CLCN1: variants seen among roughly 807,000 people sequenced by gnomAD.
CLCN1 encodes the protein chloride voltage-gated channel 1.
CLCN1 carries 100 observed loss-of-function variants against 114.5 expected under a neutral mutation model. The observed-to-expected ratio is 0.87, with a 90% confidence interval of 0.74 to 1.03. CLCN1 has a LOEUF of 1.03. Ranked by LOEUF, CLCN1 falls within the 50% of genes least tolerant of loss-of-function variation. The pLI is 0.00. For synonymous variants in CLCN1, 485 were observed against 487.1 expected (o/e 1.00, Z 0.06); for missense variants, 1,188 against 1,250.0 (o/e 0.95, Z 0.75).
At chr7:143,337,554 G>T (rs115337167) in intron 12 of CLCN1, among the ~76,000 whole-genome samples, 1 of 152,036 alleles carries the variant, frequency 6.6e-6, no homozygotes, top group African/African-American at 2.4e-5. Flanking sequence ...TATATTTCTC[G>T]TTAGCTTACA....
At position 143,321,804 on chromosome 7, in the gene CLCN1, G is replaced by A. The variant is rs189963844; in HGVS notation, c.652G>A (p.Ala218Thr). 5.4e-5 allele frequency: 87 copies of A among 1,614,236 alleles called. No individual in the cohort carries two copies. The Middle Eastern group carries it at 6.6e-4, about 12-fold the overall frequency. ...TMKAFVAKVV[A>T]LTAGLGSGIP... ...GAAAGCCTTTGTGGCCAAGGTTGTC[G>A]CCCTGACTGCGGGCCTGGGCAGTGG... is the stretch of plus-strand genomic sequence containing the variant. The change falls in exon 5 of 23, where the codon GCC (alanine) becomes ACC (threonine). Residue 218 changes from alanine to threonine, a missense_variant. By Grantham distance (58) the Ala-to-Thr change is moderately conservative. Coordinates refer to ENST00000343257, the MANE Select transcript of CLCN1 (RefSeq NM_000083.3). The surrounding 1 kb of genome is among the most constrained non-coding windows in gnomAD (Gnocchi z 4.2).
chr7:143,351,477 A>G (rs1341122979), intron 22 of CLCN1, 117 bp from the exon 23 acceptor site: 1 of 1,149,644 alleles, frequency 8.7e-7, no homozygotes, highest in African/African-American at 1.6e-5. Flanking sequence ...GCCACTCTAT[A>G]TCTTTCCTGT....
At position 143,316,335 on chromosome 7, in the gene CLCN1, C is replaced by T. The variant is rs1351485530; in HGVS notation, c.123C>T (p.Gly41=). 2 of 1,612,922 alleles carry T rather than the reference C, an allele frequency of 1.2e-6. No homozygotes were observed. The highest frequency in any genetic ancestry group is 1.7e-5 in the Admixed American group (1 of 60,012). ...ACGGACTGCCCTCTGAGAATGGGGG[C>T]CTCCAGCACAGGCTCCGGAAGGATG... ...TSYGLPSENG[G]LQHRLRKDAG... Residue 41 remains glycine, a synonymous_variant, in exon 1 of 23, where the codon GGC becomes GGT. Transcript: ENST00000343257.
intron 12 of CLCN1, among the ~76,000 whole-genome samples, chr7:143,337,505 G>A (rs923451951): frequency 3.9e-5 from 6 of 152,142 alleles, no homozygotes; most frequent in Non-Finnish European, 7.3e-5. Flanking sequence ...CCCTGGATGA[G>A]GGGAGTTCTT....
Position 143,341,759 on chromosome 7 carries a change from T to A in CLCN1, c.1583-170T>A, listed in dbSNP as rs1055651434. On this transcript the variant is annotated intron_variant, in intron 14 of 22. Coordinates refer to ENST00000343257, the MANE Select transcript of CLCN1 (RefSeq NM_000083.3). ...TTATAGAATGAGATCAAAATGATGA[T>A]TTTTCTAAGAGTTCAGTATTCTATT... 3.3e-5 allele frequency among the ~76,000 whole-genome samples: 5 copies of A among 152,148 alleles called. No homozygotes were observed. The East Asian group carries it at 9.6e-4, about 29-fold the overall frequency.
chr7:143,316,200 G>A lies in CLCN1; in HGVS notation c.-13G>A, dbSNP rs375228515. On this transcript the variant is annotated 5_prime_UTR_variant, in exon 1 of 23. Coordinates refer to ENST00000343257, the MANE Select transcript of CLCN1 (RefSeq NM_000083.3). ...GCAGGCCAAGGCCTGGCCGGGGCTC[G>A]GGGGGAGGGAATATGGAGCAATCCC... 3.2e-5 allele frequency: 52 copies of A among 1,607,422 alleles called. No individual in the cohort carries two copies. The highest frequency in any genetic ancestry group is 1.7e-4 in the African/African-American group (13 of 74,846).
Position 143,350,502 on chromosome 7 carries a change from G to A in CLCN1, c.2508+26G>A. On this transcript the variant is annotated intron_variant, in intron 21 of 22. Transcript: ENST00000343257. This position sits in a 1 kb window ranked among gnomAD's most constrained non-coding sequence, Gnocchi z 5.1. ...GTGAGTCTTTTGCTGACTGCTCAGGGCTGTGGGGAAGGCAGGAGAGCTGTG... is the reference window on the plus strand; with the variant it reads ...GTGAGTCTTTTGCTGACTGCTCAGGACTGTGGGGAAGGCAGGAGAGCTGTG... 1 of 1,610,926 alleles carries A rather than the reference G, an allele frequency of 6.2e-7. No individual in the cohort carries two copies. The highest frequency in any genetic ancestry group is 8.5e-7 in the Non-Finnish European group (1 of 1,177,128).
rs556129334 is a variant in CLCN1 at position 143,339,895 on chromosome 7, G to C, written c.1582+274G>C. Among the ~76,000 whole-genome samples the C allele has an allele frequency of 1.3e-5, 2 of 152,146 alleles. No individual in the cohort carries two copies. The highest frequency in any genetic ancestry group is 2.9e-5 in the Non-Finnish European group (2 of 68,020). On this transcript the variant is annotated intron_variant, in intron 14 of 22. Coordinates refer to ENST00000343257, the MANE Select transcript of CLCN1 (RefSeq NM_000083.3). This position sits in a 1 kb window ranked among gnomAD's most constrained non-coding sequence, Gnocchi z 4.1. ...GGATTGTGTCTGGATGTTTGATAAGGGTTCTGTCTTTCCTTCCCAAGAATC... is the reference window on the plus strand; with the variant it reads ...GGATTGTGTCTGGATGTTTGATAAGCGTTCTGTCTTTCCTTCCCAAGAATC...
At chr7:143,338,793 CAAA>C (rs535268770) in intron 12 of CLCN1, among the ~76,000 whole-genome samples, 6 of 77,922 alleles carry the variant, frequency 7.7e-5, no homozygotes, top group Admixed American at 2.8e-4. Flanking sequence ...GACCCTGTCT[CAAA>C]AAAAAAAAAA....
At chr7:143,341,824 C>G in intron 14 of CLCN1, 105 bp from the exon 15 acceptor site, 1 of 867,920 alleles carries the variant, frequency 1.2e-6, no homozygotes, top group Non-Finnish European at 1.9e-6. Flanking sequence ...TGGCACTGAC[C>G]AGGGTCATGT....
Position 143,350,675 on chromosome 7 carries a change from T to C in CLCN1, c.2595+21T>C. The C allele has an allele frequency of 1.3e-6, 2 of 1,592,928 alleles. No homozygotes were observed. Among genetic ancestry groups the C allele is most frequent in the Non-Finnish European group, 1.7e-6 (2 of 1,161,018 alleles). On this transcript the variant is annotated intron_variant, in intron 22 of 22. Coordinates refer to ENST00000343257, the MANE Select transcript of CLCN1 (RefSeq NM_000083.3). The surrounding 1 kb of genome is among the most constrained non-coding windows in gnomAD (Gnocchi z 5.1). ...AGGAGGTAATCACGATGTGTCCCAT[T>C]TGAGCAGCAGGAGGGAGGCTGGGCA...
At chr7:143,323,167 C>A in intron 5 of CLCN1, 142 bp from the exon 6 acceptor site, 1 of 663,370 alleles carries the variant, frequency 1.5e-6, no homozygotes, top group Non-Finnish European at 2.7e-6. Context: ...GATGAGGCCT[C>A]GTGAGGGCAG....
At position 143,350,914 on chromosome 7, in the gene CLCN1, A is replaced by G. The variant is rs574455176; in HGVS notation, c.2595+260A>G. Among the ~76,000 whole-genome samples the G allele has an allele frequency of 6.6e-6, 1 of 152,050 alleles. No homozygotes were observed. The highest frequency in any genetic ancestry group is 2.1e-4 in the South Asian group (1 of 4,824). On this transcript the variant is annotated intron_variant, in intron 22 of 22. Coordinates refer to ENST00000343257, the MANE Select transcript of CLCN1 (RefSeq NM_000083.3). The surrounding 1 kb of genome is among the most constrained non-coding windows in gnomAD (Gnocchi z 5.1). ...TGCCTCAGCCTCCCAAGTAGCTGGG[A>G]TTACAGGCGCCCGCTACCACACCCG...
chr7:143,343,990 A>C, intron 16 of CLCN1, among the ~76,000 whole-genome samples: 1 of 152,060 alleles, frequency 6.6e-6, no homozygotes, highest in Non-Finnish European at 1.5e-5. Flanking sequence ...ACAGGAATGC[A>C]CCACCATGCC....
At chr7:143,334,040 C>A (rs1802803066) in intron 12 of CLCN1, among the ~76,000 whole-genome samples, 1 of 152,022 alleles carries the variant, frequency 6.6e-6, no homozygotes, top group South Asian at 2.1e-4. Flanking sequence ...ATGGTGAAAC[C>A]CTGTCTCTAC....
intron 14 of CLCN1, among the ~76,000 whole-genome samples, chr7:143,340,037 T>C (rs1451808804): frequency 2.6e-5 from 4 of 152,340 alleles, no homozygotes; most frequent in African/African-American, 9.6e-5. Flanking sequence ...AACATGGCTC[T>C]AGACTTCTCC....
At position 143,321,681 on chromosome 7, in the gene CLCN1, C is replaced by G. The variant is rs749577673; in HGVS notation, c.563-34C>G. The G allele has an allele frequency of 8.7e-6, 14 of 1,613,976 alleles. No homozygotes were observed. Among genetic ancestry groups the G allele is most frequent in the Admixed American group, 1.7e-5 (1 of 60,006 alleles). Reference sequence around the variant, plus strand: ...CATTCATCTCCCTTTTCACCTTCACCTTGACCCTGCACATAATCTTTCAAC... The same window carrying G: ...CATTCATCTCCCTTTTCACCTTCACGTTGACCCTGCACATAATCTTTCAAC... On this transcript the variant is annotated intron_variant, in intron 4 of 22. Coordinates refer to ENST00000343257, the MANE Select transcript of CLCN1 (RefSeq NM_000083.3). This position sits in a 1 kb window ranked among gnomAD's most constrained non-coding sequence, Gnocchi z 4.2.
At position 143,345,701 on chromosome 7, in the gene CLCN1, G is replaced by T. The variant is rs984151770; in HGVS notation, c.2111G>T (p.Arg704Leu). 3.8e-6 allele frequency: 6 copies of T among 1,561,976 alleles called. No individual in the cohort carries two copies. In the African/African-American group the frequency reaches 6.8e-5, roughly 18 times the overall value. ...GEGLPGAPPG[R>L]PESFAFVDED... ...GGGCTCCCCGGCGCGCCTCCAGGCC[G>T]GCCCGAGTCCTTCGCCTTTGTGGAT... The change falls in exon 17 of 23, where the codon CGG becomes CTG. Residue 704 changes from arginine to leucine, a missense_variant. Coordinates refer to ENST00000343257, the MANE Select transcript of CLCN1 (RefSeq NM_000083.3).
intron 7 of CLCN1, among the ~76,000 whole-genome samples, chr7:143,329,570 T>C (rs1243467067): frequency 1.3e-5 from 2 of 152,140 alleles, no homozygotes; most frequent in Non-Finnish European, 2.9e-5. Context: ...GTGGTGGTCC[T>C]GGGGGATTCA....
Sources: allele counts gnomAD v4.1 joint callset (sites outside exome capture counted in the v4.1 genomes callset), GRCh38; gene constraint gnomAD v4.1.1; non-coding constraint Gnocchi (gnomAD v3.1); transcripts MANE v1.5; gene names NCBI Gene and HGNC (gene_info 2026-07-23, HGNC 2026-07-21).